The following STK3 variants were observed in gnomAD, a reference collection of about 807,000 sequenced individuals.
The protein encoded by STK3 is serine/threonine kinase 3.
Under a neutral mutation model 58.0 loss-of-function variants are expected in STK3, and 41 were observed. The ratio of observed to expected loss-of-function variants is 0.71; its 90% CI spans 0.55 to 0.92. The LOEUF (loss-of-function observed/expected upper bound fraction) is 0.92. STK3 is among the 40% of genes least tolerant of loss of function. STK3 has a pLI of 0.00. For synonymous variants in STK3, 170 were observed against 191.0 expected, an observed-to-expected ratio of 0.89 and a Z score of 0.91; for missense variants, 479 against 602.7, an observed-to-expected ratio of 0.79 and a Z score of 2.15.
At chr8:98,878,686 C>T (rs1396178113) in intron 3 of STK3, among the ~76,000 whole-genome samples, 2 of 152,090 alleles carry the variant, frequency 1.3e-5, no homozygotes, top group Non-Finnish European at 2.9e-5. Flanking sequence ...GTCCAGTGTG[C>T]GCTCACCATT....
intron 1 of STK3, among the ~76,000 whole-genome samples, chr8:98,821,243 C>T (rs944338050): frequency 1.3e-5 from 2 of 152,238 alleles, no homozygotes; most frequent in Admixed American, 6.5e-5. Context: ...TTGTGCTGTG[C>T]ATGCAAGGAA....
intron 3 of STK3, among the ~76,000 whole-genome samples, chr8:98,763,071 T>C (rs1830732065): frequency 6.6e-6 from 1 of 152,166 alleles, no homozygotes; most frequent in African/African-American, 2.4e-5. Flanking sequence ...GAGTCCCATA[T>C]ATAAAAAAGA....
intron 1 of STK3, among the ~76,000 whole-genome samples, chr8:98,818,802 C>T (rs955232126): frequency 1.3e-5 from 2 of 151,898 alleles, no homozygotes; most frequent in African/African-American, 4.8e-5. Context: ...TCGATATTCA[C>T]GGTATGTATG....
intron 1 of STK3, among the ~76,000 whole-genome samples, chr8:98,888,429 C>T (rs950527409): frequency 1.3e-5 from 2 of 152,196 alleles, no homozygotes; most frequent in African/African-American, 2.4e-5. Flanking sequence ...CTGAGGCTTG[C>T]TCTGTGGACT....
chr8:98,736,409 A>C lies in STK3; in HGVS notation c.351+12867T>G, dbSNP rs905563843. On this transcript the variant is annotated intron_variant, in intron 4 of 10. Coordinates refer to ENST00000419617, the MANE Select transcript of STK3 (RefSeq NM_006281.4). ...TATTCTAGGAGCCAGTTCTCATTGT[A>C]ACACTGAACTGGAAAGTACCTGATA... Among the ~76,000 whole-genome samples the C allele has an allele frequency of 5.9e-5, 9 of 152,292 alleles. No individual in the cohort carries two copies. In the South Asian group the frequency reaches 1.9e-3, roughly 32 times the overall value.
intron 6 of STK3, chr8:98,602,238 T>C (rs909929027): frequency 4.6e-5 from 7 of 152,248 alleles, no homozygotes; most frequent in African/African-American, 1.7e-4. Flanking sequence ...AAAATTCTTA[T>C]GTTCAAAGCA....
intron 6 of STK3, among the ~76,000 whole-genome samples, chr8:98,660,903 C>A (rs1051069999): frequency 1.3e-5 from 2 of 151,994 alleles, no homozygotes; most frequent in African/African-American, 4.8e-5. Flanking sequence ...TTAAGACATT[C>A]CCAGATAAAC....
chr8:98,804,980 CT>C (rs1314543786), intron 1 of STK3, among the ~76,000 whole-genome samples: 1 of 152,176 alleles, frequency 6.6e-6, no homozygotes, highest in Non-Finnish European at 1.5e-5. Flanking sequence ...TCCTAATCTT[CT>C]AAATGTCCTA....
intron 6 of STK3, among the ~76,000 whole-genome samples, chr8:98,680,982 T>TTC (rs1241383556): frequency 2.6e-3 from 173 of 67,222 alleles, no homozygotes; most frequent in African/African-American, 6.1e-3. Context: ...CCCACCTTTC[T>TTC]TTTTTTTTTT....
chr8:98,797,244 C>T (rs1650255698), intron 1 of STK3, among the ~76,000 whole-genome samples: 1 of 152,194 alleles, frequency 6.6e-6, no homozygotes, highest in African/African-American at 2.4e-5. Flanking sequence ...TCTTGGCCCA[C>T]CTGAAGGGCA....
the STK3 span, among the ~76,000 whole-genome samples, chr8:98,349,780 C>A: frequency 6.6e-6 from 1 of 152,140 alleles, no homozygotes; most frequent in African/African-American, 2.4e-5. Context: ...GTACATTGGC[C>A]CTTTTTAGTC....
chr8:98,740,808 T>C (rs1168309604), intron 4 of STK3, among the ~76,000 whole-genome samples: 1 of 152,094 alleles, frequency 6.6e-6, no homozygotes. Context: ...GCAAATTGGA[T>C]AAAGAGTCAA....
intron 3 of STK3, among the ~76,000 whole-genome samples, chr8:98,419,348 G>A (rs1026782373): frequency 4.0e-5 from 6 of 151,600 alleles, no homozygotes; most frequent in Non-Finnish European, 8.8e-5. Flanking sequence ...GCAACAGAGC[G>A]AGACTCCATC....
At chr8:98,355,910 T>C in the STK3 span, among the ~76,000 whole-genome samples, 4 of 152,266 alleles carry the variant, frequency 2.6e-5, no homozygotes, top group Non-Finnish European at 1.5e-5. Flanking sequence ...GTGAAGGGGC[T>C]TCTAAGATGG....
intron 3 of STK3, among the ~76,000 whole-genome samples, chr8:98,856,077 C>T (rs1437002776): frequency 6.7e-6 from 1 of 149,386 alleles, no homozygotes; most frequent in African/African-American, 2.5e-5. Context: ...GAAGTTTGAA[C>T]CCAGGAGGCG....
intron 2 of STK3, chr8:98,436,561 T>C (rs1004359851): frequency 3.9e-5 from 6 of 152,292 alleles, no homozygotes; most frequent in African/African-American, 1.2e-4. Flanking sequence ...ACTCACAATA[T>C]TGATTATTTA....
chr8:98,451,094 A>G (rs904079323), downstream of STK3, among the ~76,000 whole-genome samples: 1 of 152,124 alleles, frequency 6.6e-6, no homozygotes, highest in Non-Finnish European at 1.5e-5. Context: ...TCAAAAATGC[A>G]TGGGTTAGTA....
intron 2 of STK3, among the ~76,000 whole-genome samples, chr8:98,374,476 C>G (rs1817652298): frequency 6.6e-6 from 1 of 152,232 alleles, no homozygotes; most frequent in Non-Finnish European, 1.5e-5. Context: ...AACATTAGTT[C>G]AAATGTGAAC....
chr8:98,591,406 C>T (rs923645092), intron 7 of STK3, among the ~76,000 whole-genome samples: 2 of 152,208 alleles, frequency 1.3e-5, no homozygotes, highest in South Asian at 2.1e-4. Context: ...TGTATTTTAA[C>T]ACCTTTTTGA....
Sources: gnomAD v4.1 joint callset for allele counts (sites outside exome capture counted in the v4.1 genomes callset) on GRCh38, gnomAD v4.1.1 for gene constraint, MANE v1.5 for transcripts, NCBI Gene and HGNC (gene_info 2026-07-23, HGNC 2026-07-21) for gene names.